The following GTF2H5 variants were observed in gnomAD, a reference collection of about 807,000 sequenced individuals.
GTF2H5 encodes general transcription factor IIH subunit 5, also known as TFB5 ortholog.
In GTF2H5, 5 loss-of-function variants were observed where a neutral mutation model predicts 7.1. The ratio of observed to expected loss-of-function variants is 0.71; its 90% CI spans 0.37 to 1.49. The LOEUF is 1.49. Among genes scored for constraint, GTF2H5 ranks in the 40% most tolerant of loss-of-function variants. The pLI is 0.03. For synonymous variants in GTF2H5, 30 were observed against 31.7 expected, an observed-to-expected ratio of 0.95 and a Z score of 0.18; for missense variants, 80 against 83.0, an observed-to-expected ratio of 0.96 and a Z score of 0.14.
Position 158,192,404 on chromosome 6 carries a change from A to G in GTF2H5, c.*247A>G, listed in dbSNP as rs776063096. ...GGCTTTTATTATCCTTTATTAAAAT[A>G]CAAATGTCAATGCTTTTCCTGCCTT... On this transcript the variant is annotated 3_prime_UTR_variant, in exon 3 of 3. Coordinates refer to ENST00000607778, the MANE Select transcript of GTF2H5 (RefSeq NM_207118.3). 1 of 458,576 alleles carries G rather than the reference A, an allele frequency of 2.2e-6. No individual in the cohort carries two copies. Among genetic ancestry groups the G allele is most frequent in the Non-Finnish European group, 4.0e-6 (1 of 252,056 alleles). The allele number at this position is 458,576 out of a possible 1,614,324, so 28.4% of individuals were successfully genotyped here.
chr6:158,170,844 A>G (rs1254828264), intron 2 of GTF2H5, among the ~76,000 whole-genome samples: 1 of 152,220 alleles, frequency 6.6e-6, no homozygotes, highest in African/African-American at 2.4e-5. Flanking sequence ...GAACTTGCTT[A>G]AGTCTTTACC....
At chr6:158,184,439 A>T (rs184738115) in intron 2 of GTF2H5, among the ~76,000 whole-genome samples, 3 of 151,016 alleles carry the variant, frequency 2.0e-5, no homozygotes, top group Non-Finnish European at 4.4e-5. Context: ...TAACAGTAAA[A>T]CCCCTATTAT....
chr6:158,191,895 A>G lies in GTF2H5; in HGVS notation c.36-82A>G, dbSNP rs548703352. On this transcript the variant is annotated intron_variant, in intron 2 of 2. Coordinates refer to ENST00000607778, the MANE Select transcript of GTF2H5 (RefSeq NM_207118.3). The stretch of plus-strand genomic sequence containing the variant: ...CTTTAAAAATCATTCTAAAAATTCT[A>G]CATGTTCACATTTAATTGCTCAAGT... 8.2e-5 allele frequency: 88 copies of G among 1,078,698 alleles called. No homozygotes were observed. The African/African-American group carries it at 9.8e-4, about 12-fold the overall frequency. The allele number at this position is 1,078,698 out of a possible 1,614,324, so 66.8% of individuals were successfully genotyped here. A position where few individuals can be genotyped will look rare whatever the true frequency, so the allele number is the denominator to read the frequency against.
At chr6:158,171,988 G>A (rs542754934) in intron 2 of GTF2H5, among the ~76,000 whole-genome samples, 5 of 152,102 alleles carry the variant, frequency 3.3e-5, no homozygotes, top group East Asian at 1.9e-4. Context: ...CATTTTCCTC[G>A]TTGGCCTTTA....
intron 2 of GTF2H5, among the ~76,000 whole-genome samples, chr6:158,179,073 G>T (rs988109207): frequency 5.3e-5 from 8 of 152,156 alleles, no homozygotes; most frequent in Non-Finnish European, 8.8e-5. Flanking sequence ...TGGCTAGCCA[G>T]TTTTCCCGAC....
At chr6:158,183,529 T>C (rs965404399) in intron 2 of GTF2H5, among the ~76,000 whole-genome samples, 1 of 152,190 alleles carries the variant, frequency 6.6e-6, no homozygotes, top group Non-Finnish European at 1.5e-5. Context: ...TGAGCTGCAG[T>C]GGACTCTGCC....
At chr6:158,187,507 A>G (rs1281301019) in intron 2 of GTF2H5, among the ~76,000 whole-genome samples, 8 of 152,200 alleles carry the variant, frequency 5.3e-5, no homozygotes, top group Non-Finnish European at 8.8e-5. Context: ...ACAAAAGTCA[A>G]GCTGGAATTT....
chr6:158,178,410 T>C (rs1785961737), intron 2 of GTF2H5, among the ~76,000 whole-genome samples: 1 of 146,878 alleles, frequency 6.8e-6, no homozygotes, highest in African/African-American at 2.6e-5. Context: ...TGAGCCAAGA[T>C]TGTGCCACTG....
chr6:158,189,195 C>T (rs906021259), intron 2 of GTF2H5, among the ~76,000 whole-genome samples: 2 of 152,022 alleles, frequency 1.3e-5, no homozygotes, highest in Non-Finnish European at 2.9e-5. Flanking sequence ...GGTCAGGAAA[C>T]AGGATCAGTA....
intron 2 of GTF2H5, among the ~76,000 whole-genome samples, chr6:158,183,168 G>A (rs1786032841): frequency 6.6e-6 from 1 of 152,166 alleles, no homozygotes; most frequent in Admixed American, 6.5e-5. Context: ...TTTGCTGGAG[G>A]TCCACTCCAG....
chr6:158,171,663 G>T (rs534397966), intron 2 of GTF2H5, among the ~76,000 whole-genome samples: 4 of 152,304 alleles, frequency 2.6e-5, no homozygotes, highest in African/African-American at 9.6e-5. Flanking sequence ...CTGTGGAAAA[G>T]GAAAGGGAGG....
chr6:158,187,184 C>A (rs1037998153), intron 2 of GTF2H5, among the ~76,000 whole-genome samples: 1 of 151,576 alleles, frequency 6.6e-6, no homozygotes, highest in Non-Finnish European at 1.5e-5. Flanking sequence ...TTTGTAGAGA[C>A]GGGGTTTCAT....
intron 2 of GTF2H5, among the ~76,000 whole-genome samples, chr6:158,178,260 G>T (rs1356277172): frequency 6.6e-6 from 1 of 152,078 alleles, no homozygotes; most frequent in East Asian, 1.9e-4. Flanking sequence ...GCCAAGACAG[G>T]CGGATCACGA....
At chr6:158,169,371 A>ACGTATATTATATATTATATATAATATAT (rs1562467725) in intron 1 of GTF2H5, among the ~76,000 whole-genome samples, 1 of 100,804 alleles carries the variant, frequency 9.9e-6, no homozygotes, top group African/African-American at 4.3e-5. Flanking sequence ...TATATATAAT[A>ACGTATATTATATATTATATATAATATAT]TGTATATTAT....
At chr6:158,170,989 G>T (rs1276521539) in intron 2 of GTF2H5, among the ~76,000 whole-genome samples, 1 of 152,184 alleles carries the variant, frequency 6.6e-6, no homozygotes, top group Non-Finnish European at 1.5e-5. Context: ...AAGCAATCCA[G>T]TGTCCAGGAA....
At chr6:158,172,336 G>A (rs373579300) in intron 2 of GTF2H5, among the ~76,000 whole-genome samples, 8 of 149,450 alleles carry the variant, frequency 5.4e-5, no homozygotes, top group East Asian at 3.9e-4. Flanking sequence ...TTTTTGACAC[G>A]GAGTCTTGCT....
At chr6:158,183,777 G>A (rs965739777) in intron 2 of GTF2H5, among the ~76,000 whole-genome samples, 2 of 152,170 alleles carry the variant, frequency 1.3e-5, no homozygotes, top group Non-Finnish European at 2.9e-5. Flanking sequence ...ATTTGGGCTG[G>A]AGTGTATTGC....
intron 2 of GTF2H5, among the ~76,000 whole-genome samples, chr6:158,189,388 C>G (rs918299780): frequency 1.3e-5 from 2 of 152,178 alleles, no homozygotes; most frequent in African/African-American, 4.8e-5. Context: ...GCTCTTCTCT[C>G]AAATCCTTAG....
intron 1 of GTF2H5, 128 bp from the exon 2 acceptor site, chr6:158,170,342 A>T: frequency 1.6e-6 from 1 of 631,490 alleles, no homozygotes; most frequent in South Asian, 1.9e-5. Flanking sequence ...CTTAATGTTA[A>T]CTGTCTTTCA....
Sources: gnomAD v4.1 joint callset for allele counts (sites outside exome capture counted in the v4.1 genomes callset) on GRCh38, gnomAD v4.1.1 for gene constraint, MANE v1.5 for transcripts, NCBI Gene and HGNC (gene_info 2026-07-23, HGNC 2026-07-21) for gene names.